The following ATP6V1B1 variants were observed in gnomAD, a reference collection of about 807,000 sequenced individuals.
ATP6V1B1 encodes the protein V-type proton ATPase subunit B, kidney isoform.
ATP6V1B1 carries 41 observed loss-of-function variants against 62.1 expected under a neutral mutation model. The observed-to-expected ratio is 0.66, with a 90% confidence interval of 0.51 to 0.86. The LOEUF is 0.86. Among genes scored for constraint, ATP6V1B1 ranks in the 40% least tolerant of loss-of-function variants. The pLI is 0.00. For synonymous variants in ATP6V1B1, 253 were observed against 273.4 expected (o/e 0.93, Z 0.74); for missense variants, 651 against 697.5 (o/e 0.93, Z 0.75).
intron 2 of ATP6V1B1, among the ~76,000 whole-genome samples, chr2:70,951,218 C>T (rs1250070955): frequency 6.6e-6 from 1 of 152,122 alleles, no homozygotes; most frequent in Non-Finnish European, 1.5e-5. Context: ...GCAGGGATTA[C>T]AGGCATGATC....
chr2:70,961,164 C>T (rs1680576796), intron 7 of ATP6V1B1, 142 bp downstream of exon 7: 1 of 850,454 alleles, frequency 1.2e-6, no homozygotes, highest in Non-Finnish European at 1.9e-6. Context: ...GAGCAGTGAC[C>T]ACGGCCATGT....
chr2:70,940,235 C>G (rs1223882748), intron 1 of ATP6V1B1: 1 of 381,326 alleles, frequency 2.6e-6, no homozygotes, highest in Non-Finnish European at 3.6e-6. Context: ...AGTGGGGGAG[C>G]AGCTGTGAAG....
intron 2 of ATP6V1B1, among the ~76,000 whole-genome samples, chr2:70,954,961 A>G (rs944720191): frequency 5.9e-5 from 9 of 152,200 alleles, no homozygotes; most frequent in Non-Finnish European, 8.8e-5. Flanking sequence ...ATGAGTGTCA[A>G]TGGGGATGGT....
chr2:70,958,230 G>C (rs2104825397), intron 3 of ATP6V1B1, 86 bp downstream of exon 3: 2 of 1,592,100 alleles, frequency 1.3e-6, no homozygotes, highest in Non-Finnish European at 1.7e-6. Flanking sequence ...TCTGAAGGCA[G>C]GAAATGGTCT....
rs928798847 is a variant in ATP6V1B1, at chr2:70,952,176, G to T, written c.175-5870G>T. Among the ~76,000 whole-genome samples the T allele has an allele frequency of 2.6e-5, 4 of 152,000 alleles. No individual in the cohort carries two copies. The South Asian group carries it at 8.3e-4, about 32-fold the overall frequency. ...ATATAGAATTGTATTAGAAACAGAT[G>T]CTTGGCCAGGCACAGTAGCTCACGC... On this transcript the variant is annotated intron_variant, in intron 2 of 13. Coordinates refer to ENST00000234396, the MANE Select transcript of ATP6V1B1 (RefSeq NM_001692.4).
chr2:70,959,021 G>A lies in ATP6V1B1; in HGVS notation c.371G>A (p.Arg124Gln). ...AACACTCCTCGTCCACCCTCAGGTC[G>A]GGTTTTCAATGGCTCCGGCAAGCCC... ...RTPVSEDMLG[R>Q]VFNGSGKPID... Residue 124 changes from arginine (R) to glutamine (Q), a missense_variant, in exon 5 of 14, where the codon CGG becomes CAG. Coordinates refer to ENST00000234396, the MANE Select transcript of ATP6V1B1 (RefSeq NM_001692.4). This position sits in a 1 kb window ranked among gnomAD's most constrained non-coding sequence, Gnocchi z 4.2. The A allele has an allele frequency of 2.5e-6, 4 of 1,614,092 alleles. No individual in the cohort carries two copies. Among genetic ancestry groups the A allele is most frequent in the Admixed American group, 1.7e-5 (1 of 60,024 alleles).
intron 11 of ATP6V1B1, chr2:70,964,045 T>G: frequency 2.4e-6 from 1 of 411,720 alleles, no homozygotes; most frequent in Non-Finnish European, 4.5e-6. Context: ...AACGGCTAAC[T>G]AACACACATC....
intron 2 of ATP6V1B1, among the ~76,000 whole-genome samples, chr2:70,954,426 G>A (rs1358127404): frequency 6.6e-6 from 1 of 152,156 alleles, no homozygotes; most frequent in Non-Finnish European, 1.5e-5. Flanking sequence ...TTTATGGTCA[G>A]AGAATATGGC....
At chr2:70,941,993 G>A (rs940326533) in intron 1 of ATP6V1B1, 1 of 1,035,014 alleles carries the variant, frequency 9.7e-7, no homozygotes, top group Non-Finnish European at 1.2e-6. Context: ...TGCTTGTGAG[G>A]GGAGGAACTG....
rs782426235 is a variant in ATP6V1B1 at position 70,965,041 on chromosome 2, C to A, written c.1462C>A (p.Arg488Ser). ...CATCTTCCCCAAGGAGATGCTGAAG[C>A]GCATTCCGCAGGCCGTGATCGACGA... ...LRIFPKEMLK[R>S]IPQAVIDEFY... The change falls in exon 14 of 14, where the codon CGC (arginine) becomes AGC (serine). Residue 488 changes from arginine (R) to serine (S), a missense_variant. By Grantham distance (110) the Arg-to-Ser change is moderately radical (BLOSUM62 -1). Transcript: ENST00000234396. 1.9e-6 allele frequency: 3 copies of A among 1,613,590 alleles called. No individual in the cohort carries two copies. Among genetic ancestry groups the A allele is most frequent in the East Asian group, 2.2e-5 (1 of 44,880 alleles).
At chr2:70,941,116 C>A in intron 1 of ATP6V1B1, 1 of 456,382 alleles carries the variant, frequency 2.2e-6, no homozygotes, top group Non-Finnish European at 2.9e-6. Flanking sequence ...CGAGGCTTCA[C>A]CATATTGCCC....
Position 70,958,556 on chromosome 2 carries a change from T to C in ATP6V1B1, c.367+130T>C, listed in dbSNP as rs1426379560. The C allele has an allele frequency of 9.1e-6, 8 of 883,706 alleles. No homozygotes were observed. The East Asian group carries it at 1.6e-4, about 17-fold the overall frequency. 54.7% of individuals were successfully genotyped at this position (883,706 alleles called of 1,614,324 possible). On this transcript the variant is annotated intron_variant, in intron 4 of 13. Coordinates refer to ENST00000234396, the MANE Select transcript of ATP6V1B1 (RefSeq NM_001692.4). ...CCTGCCTGTCTCTCTGGTGGGCTCT[T>C]TGAGGTCTGGGGTATGTCTTCTCTC... is the stretch of plus-strand genomic sequence containing the variant.
intron 2 of ATP6V1B1, among the ~76,000 whole-genome samples, chr2:70,952,879 G>A (rs1352724116): frequency 2.6e-5 from 4 of 152,178 alleles, no homozygotes; most frequent in Non-Finnish European, 5.9e-5. Flanking sequence ...TGAATAGAAT[G>A]AGAATAGCAG....
rs1161396616 is a variant in ATP6V1B1, at chr2:70,961,674, A to C, written c.766A>C (p.Asn256His). The C allele has an allele frequency of 7.4e-6, 12 of 1,614,204 alleles. No individual in the cohort carries two copies. The highest frequency in any genetic ancestry group is 1.0e-5 in the Non-Finnish European group (12 of 1,180,028). The change falls in exon 8 of 14, where the codon AAC becomes CAC. Residue 256 changes from asparagine (N) to histidine (H), a missense_variant. Coordinates refer to ENST00000234396, the MANE Select transcript of ATP6V1B1 (RefSeq NM_001692.4). ...CATGGGGAACGTCTGCCTCTTCCTGAACTTGGCCAATGACCCCACGTGAGC... is the reference window on the plus strand; with the variant it reads ...CATGGGGAACGTCTGCCTCTTCCTGCACTTGGCCAATGACCCCACGTGAGC... Reference protein sequence around the residue: ...GTMGNVCLFLNLANDPTIERI... With the variant: ...GTMGNVCLFLHLANDPTIERI...
chr2:70,943,808 C>T (rs1375039192), intron 2 of ATP6V1B1, 95 bp downstream of exon 2: 3 of 1,511,824 alleles, frequency 2.0e-6, no homozygotes, highest in African/African-American at 2.7e-5. Context: ...CCCTTTCCCT[C>T]CATGGCCCCC....
At chr2:70,960,856 G>A in intron 6 of ATP6V1B1, 65 bp from the exon 7 acceptor site, 1 of 1,416,010 alleles carries the variant, frequency 7.1e-7, no homozygotes, top group Non-Finnish European at 9.7e-7. Flanking sequence ...TGAGCCAGTG[G>A]TGCTCAGTGG....
At chr2:70,961,253 T>TG (rs145179955) in intron 7 of ATP6V1B1, among the ~76,000 whole-genome samples, 1 of 151,856 alleles carries the variant, frequency 6.6e-6, no homozygotes, top group Non-Finnish European at 1.5e-5. Context: ...GCCAGGGGAT[T>TG]GGGGGAAAAA....
chr2:70,957,855 C>G, intron 2 of ATP6V1B1, 191 bp from the exon 3 acceptor site: 1 of 631,500 alleles, frequency 1.6e-6, no homozygotes, highest in Non-Finnish European at 2.9e-6. Flanking sequence ...TCTTGCAACT[C>G]TGAAGTGGGT....
At chr2:70,943,837 T>G (rs1395836543) in intron 2 of ATP6V1B1, 124 bp downstream of exon 2, 18 of 1,376,394 alleles carry the variant, frequency 1.3e-5, no homozygotes, top group Non-Finnish European at 1.6e-5. Context: ...CTCTGTTCTC[T>G]CCATCCAGGC....
Sources: allele counts gnomAD v4.1 joint callset (sites outside exome capture counted in the v4.1 genomes callset), GRCh38; gene constraint gnomAD v4.1.1; non-coding constraint Gnocchi (gnomAD v3.1); transcripts MANE v1.5; gene names NCBI Gene and HGNC (gene_info 2026-07-23, HGNC 2026-07-21).